Variants in KCNH8 observed in about 807,000 individuals in gnomAD.
KCNH8 encodes voltage-gated delayed rectifier potassium channel KCNH8.
Under a neutral mutation model 103.6 loss-of-function variants are expected in KCNH8, and 70 were observed. The observed-to-expected ratio is 0.68, with a 90% CI of 0.56 to 0.82. The LOEUF (loss-of-function observed/expected upper bound fraction) is 0.82. KCNH8 is among the 40% of genes least tolerant of loss of function. The pLI is 0.00. For missense variants in KCNH8, 1,217 were observed against 1,329.9 expected (o/e 0.92, Z 1.32); for synonymous variants, 498 against 489.4 (o/e 1.02, Z -0.23).
intron 1 of KCNH8, among the ~76,000 whole-genome samples, chr3:19,226,252 T>C (rs149822973): frequency 1.3e-5 from 2 of 152,372 alleles, no homozygotes; most frequent in African/African-American, 4.8e-5. Flanking sequence ...TTAGCTATTT[T>C]ATATGTTGTC....
At chr3:19,525,065 A>G (rs2125250403) in intron 15 of KCNH8, among the ~76,000 whole-genome samples, 1 of 152,028 alleles carries the variant, frequency 6.6e-6, no homozygotes, top group African/African-American at 2.4e-5. Flanking sequence ...GAAAATTGCT[A>G]AAAGAGTAGA....
At chr3:19,465,151 A>G (rs1350398369) in intron 11 of KCNH8, among the ~76,000 whole-genome samples, 1 of 152,232 alleles carries the variant, frequency 6.6e-6, no homozygotes, top group African/African-American at 2.4e-5. Flanking sequence ...TAGGAATTTC[A>G]TAGCTAGAGA....
intron 1 of KCNH8, among the ~76,000 whole-genome samples, chr3:19,174,639 C>T (rs1222144989): frequency 6.6e-6 from 1 of 152,090 alleles, no homozygotes; most frequent in Non-Finnish European, 1.5e-5. Context: ...TGTCTGAAAA[C>T]ATGTTCTTTA....
chr3:19,185,714 G>A (rs1398611861), intron 1 of KCNH8, among the ~76,000 whole-genome samples: 1 of 151,842 alleles, frequency 6.6e-6, no homozygotes, highest in Admixed American at 6.6e-5. Context: ...ATGCTCCTAT[G>A]ATTTATTTGC....
At chr3:19,157,206 A>G (rs1443655094) in intron 1 of KCNH8, among the ~76,000 whole-genome samples, 2 of 152,106 alleles carry the variant, frequency 1.3e-5, no homozygotes, top group African/African-American at 4.8e-5. Context: ...CAAGAAGTAG[A>G]TGGCTCTTAC....
chr3:19,419,019 C>T (rs1263004925), intron 7 of KCNH8, among the ~76,000 whole-genome samples: 5 of 151,996 alleles, frequency 3.3e-5, no homozygotes, highest in Non-Finnish European at 5.9e-5. Context: ...GGACATAACT[C>T]ATAGATACAT....
chr3:19,219,403 A>T, intron 1 of KCNH8, among the ~76,000 whole-genome samples: 1 of 152,162 alleles, frequency 6.6e-6, no homozygotes, highest in East Asian at 1.9e-4. Flanking sequence ...ACTGGAGTGT[A>T]AGCCCTCTGA....
chr3:19,326,285 C>G (rs1345328206), intron 3 of KCNH8, among the ~76,000 whole-genome samples: 2 of 150,716 alleles, frequency 1.3e-5, no homozygotes, highest in African/African-American at 4.9e-5. Context: ...AACCCGTGCC[C>G]CTGCCTGCCA....
chr3:19,257,215 C>T (rs762505608), intron 2 of KCNH8, among the ~76,000 whole-genome samples: 1 of 152,010 alleles, frequency 6.6e-6, no homozygotes, highest in Non-Finnish European at 1.5e-5. Context: ...TTATCCTCCC[C>T]AGATACATTT....
intron 1 of KCNH8, among the ~76,000 whole-genome samples, chr3:19,199,429 A>G (rs1355896251): frequency 1.3e-5 from 2 of 152,018 alleles, no homozygotes; most frequent in African/African-American, 4.8e-5. Flanking sequence ...ATTTGTAAAT[A>G]TGTATTTCAT....
chr3:19,482,000 C>T (rs973617045), intron 11 of KCNH8, among the ~76,000 whole-genome samples: 5 of 152,154 alleles, frequency 3.3e-5, no homozygotes, highest in African/African-American at 9.7e-5. Flanking sequence ...GGCAGACTCA[C>T]GTCTCCAAAA....
At chr3:19,332,459 T>C (rs975973473) in intron 3 of KCNH8, among the ~76,000 whole-genome samples, 12 of 152,156 alleles carry the variant, frequency 7.9e-5, no homozygotes, top group Non-Finnish European at 1.5e-4. Flanking sequence ...TTTCATGGTA[T>C]AGATAGACCA....
chr3:19,345,834 T>A lies in KCNH8; in HGVS notation c.571-1891T>A, dbSNP rs181580486. Among the ~76,000 whole-genome samples the A allele has an allele frequency of 2.5e-3, 378 of 152,166 alleles. 3 individuals are homozygous for A. Among genetic ancestry groups the A allele is most frequent in the African/African-American group, 8.8e-3 (365 of 41,558 alleles). ...TCTCAGTATCTTTTTAAAATATTTT[T>A]AAAATATGTTCTAAGTAGCTTACAA... On this transcript the variant is annotated intron_variant, in intron 4 of 15. Transcript: ENST00000328405.
intron 1 of KCNH8, among the ~76,000 whole-genome samples, chr3:19,210,687 G>T (rs2063762506): frequency 6.7e-6 from 1 of 149,410 alleles, no homozygotes; most frequent in Non-Finnish European, 1.5e-5. Context: ...AAACCTATCA[G>T]TAAAAAAAAA....
rs371170145 is a variant in KCNH8 at position 19,281,244 on chromosome 3, A to C, written c.357A>C (p.Glu119Asp). 2 of 1,611,890 alleles carry C rather than the reference A, an allele frequency of 1.2e-6. No individual in the cohort carries two copies. Among genetic ancestry groups the C allele is most frequent in the Non-Finnish European group, 1.7e-6 (2 of 1,178,560 alleles). ...TGGATATTGTTCCCATAAAGAATGA[A>C]AAAGGAGATGTAGTACTTTTTCTGG... is the stretch of plus-strand genomic sequence containing the variant. ...CLLDIVPIKN[E>D]KGDVVLFLAS... is the part of the protein sequence containing the mutation. The change falls in exon 3 of 16, where the codon GAA (glutamate) becomes GAC (aspartate). Residue 119 changes from glutamate to aspartate, a missense_variant. Around this residue, in one of 3 missense-constraint regions of KCNH8, gnomAD observed 244 missense variants for 256.8 expected, o/e 0.95. Transcript: ENST00000328405.
chr3:19,418,544 C>T (rs2066895991), intron 7 of KCNH8, among the ~76,000 whole-genome samples: 2 of 151,896 alleles, frequency 1.3e-5, no homozygotes, highest in South Asian at 4.2e-4. Context: ...CGTATAAAGC[C>T]CAAACAAAAT....
At chr3:19,211,243 A>C (rs1191408589) in intron 1 of KCNH8, among the ~76,000 whole-genome samples, 3 of 152,188 alleles carry the variant, frequency 2.0e-5, no homozygotes, top group African/African-American at 7.2e-5. Context: ...TGTGAGTATG[A>C]CAGTCAAAGA....
At chr3:19,451,062 G>A in intron 9 of KCNH8, 93 bp from the exon 10 acceptor site, 1 of 1,229,082 alleles carries the variant, frequency 8.1e-7, no homozygotes, top group Non-Finnish European at 1.2e-6. Context: ...AACAGCAGGA[G>A]ACAGTAGGAA....
chr3:19,505,015 AT>A (rs1193298366), intron 11 of KCNH8, among the ~76,000 whole-genome samples: 1 of 150,752 alleles, frequency 6.6e-6, no homozygotes, highest in East Asian at 1.9e-4. Context: ...CATTCATATA[AT>A]ATATATGTAT....
Sources: allele counts gnomAD v4.1 joint callset (sites outside exome capture counted in the v4.1 genomes callset), GRCh38; gene constraint gnomAD v4.1.1; regional missense constraint gnomAD v4.1.1; transcripts MANE v1.5; gene names NCBI Gene and HGNC (gene_info 2026-07-23, HGNC 2026-07-21).